Variants in MFN1 observed in about 807,000 individuals in gnomAD.
The protein encoded by MFN1 is mitofusin 1.
MFN1 carries 65 observed loss-of-function variants against 92.4 expected under a neutral mutation model. The observed-to-expected ratio is 0.70, with a 90% CI of 0.58 to 0.86. MFN1 has a LOEUF of 0.86. Among genes scored for constraint, MFN1 ranks in the 40% least tolerant of loss-of-function variants. The pLI, the probability that MFN1 is intolerant of heterozygous loss-of-function variation, is 0.00. For missense variants in MFN1, 781 were observed against 868.0 expected (o/e 0.90, Z 1.26); for synonymous variants, 297 against 300.9 (o/e 0.99, Z 0.13).
At chr3:179,380,859 G>A (rs1185522871) in intron 14 of MFN1, among the ~76,000 whole-genome samples, 4 of 152,188 alleles carry the variant, frequency 2.6e-5, no homozygotes, top group African/African-American at 9.7e-5. Context: ...ACTCAGTTGT[G>A]TATGCCTGCA....
At chr3:179,385,039 G>C (rs2108556445) in intron 14 of MFN1, among the ~76,000 whole-genome samples, 2 of 150,204 alleles carry the variant, frequency 1.3e-5, no homozygotes, top group Middle Eastern at 6.8e-3. Flanking sequence ...CCAAGTAGTT[G>C]GGACTACAGG....
chr3:179,385,754 C>G, intron 15 of MFN1, 33 bp downstream of exon 15: 2 of 1,599,854 alleles, frequency 1.3e-6, no homozygotes, highest in Non-Finnish European at 1.7e-6. Flanking sequence ...TAATTAAAAT[C>G]GAAATGTTTG....
At chr3:179,361,624 C>G (rs7615773) in intron 4 of MFN1, among the ~76,000 whole-genome samples, 1 of 151,552 alleles carries the variant, frequency 6.6e-6, no homozygotes, top group Non-Finnish European at 1.5e-5. Flanking sequence ...GCAACCTTCA[C>G]CTCCTGGGTT....
Position 179,390,048 on chromosome 3 carries a change from T to A in MFN1, c.2057T>A (p.Ile686Asn). Reference protein sequence around the residue: ...TFARLCQQVDITQKQLEEEIA... With the variant: ...TFARLCQQVDNTQKQLEEEIA... ...GCTCGCCTGTGCCAACAAGTTGATA[T>A]TACTCAAAAACAGCTGGAAGAAGAA... Residue 686 changes from isoleucine to asparagine, a missense_variant, in exon 17 of 18, where the codon ATT (isoleucine) becomes AAT (asparagine). Ile to Asn is a moderately radical substitution (Grantham distance 149). Coordinates refer to ENST00000471841, the MANE Select transcript of MFN1 (RefSeq NM_033540.3). The A allele has an allele frequency of 6.2e-7, 1 of 1,605,006 alleles. No homozygotes were observed. Among genetic ancestry groups the A allele is most frequent in the Non-Finnish European group, 8.5e-7 (1 of 1,177,624 alleles).
intron 9 of MFN1, among the ~76,000 whole-genome samples, chr3:179,369,253 C>G (rs758156815): frequency 2.0e-5 from 3 of 152,040 alleles, no homozygotes; most frequent in Non-Finnish European, 4.4e-5. Context: ...CCTCTGTTAT[C>G]CAGGCTGGAG....
At chr3:179,355,193 A>G (rs995369227) in intron 3 of MFN1, among the ~76,000 whole-genome samples, 19 of 152,178 alleles carry the variant, frequency 1.2e-4, no homozygotes, top group Non-Finnish European at 2.5e-4. Flanking sequence ...ATATATTACA[A>G]TGAGCAGTGA....
chr3:179,353,717 T>C (rs2108524620), intron 3 of MFN1, among the ~76,000 whole-genome samples: 2 of 152,318 alleles, frequency 1.3e-5, no homozygotes, highest in East Asian at 3.9e-4. Flanking sequence ...AATGACTAGC[T>C]CCATAACTGG....
intron 9 of MFN1, among the ~76,000 whole-genome samples, chr3:179,369,020 A>G (rs1224066004): frequency 8.5e-5 from 13 of 152,226 alleles, no homozygotes; most frequent in Admixed American, 8.5e-4. Flanking sequence ...AGACAGATGA[A>G]GACAAACTGG....
chr3:179,375,910 C>T (rs566574658), intron 10 of MFN1, among the ~76,000 whole-genome samples: 1 of 152,190 alleles, frequency 6.6e-6, no homozygotes, highest in South Asian at 2.1e-4. Context: ...ATGAAAATAC[C>T]AGCATTATCG....
intron 14 of MFN1, among the ~76,000 whole-genome samples, 174 bp from the exon 15 acceptor site, chr3:179,385,395 A>G (rs544398973): frequency 1.3e-5 from 2 of 152,064 alleles, no homozygotes; most frequent in South Asian, 2.1e-4. Context: ...ATTGGTCCAT[A>G]TTGTAGATAA....
chr3:179,392,157 A>G lies in MFN1; in HGVS notation c.*98A>G. 1.3e-6 allele frequency: 1 copy of G among 763,552 alleles called. No homozygotes were observed. The highest frequency in any genetic ancestry group is 2.2e-6 in the Non-Finnish European group (1 of 454,944). 47.3% of individuals were successfully genotyped at this position (763,552 alleles called of 1,614,324 possible). A position where few individuals can be genotyped will look rare whatever the true frequency, so the allele number is the denominator to read the frequency against. Reference sequence around the variant, plus strand: ...TGAAATTACTTTAAATATGAATTGTACTAACTGTACCTAAATAGCAAAGCC... The same window carrying G: ...TGAAATTACTTTAAATATGAATTGTGCTAACTGTACCTAAATAGCAAAGCC... On this transcript the variant is annotated 3_prime_UTR_variant, in exon 18 of 18. Coordinates refer to ENST00000471841, the MANE Select transcript of MFN1 (RefSeq NM_033540.3).
At chr3:179,348,471 A>G (rs1712007960) in intron 1 of MFN1, among the ~76,000 whole-genome samples, 1 of 152,220 alleles carries the variant, frequency 6.6e-6, no homozygotes, top group South Asian at 2.1e-4. Flanking sequence ...CTAGAGCTTC[A>G]GGTTGAGAAA....
intron 4 of MFN1, among the ~76,000 whole-genome samples, chr3:179,362,080 T>C (rs931054343): frequency 6.6e-6 from 1 of 152,176 alleles, no homozygotes; most frequent in Non-Finnish European, 1.5e-5. Context: ...AAAATACAAA[T>C]AGGCAAAAAG....
intron 16 of MFN1, among the ~76,000 whole-genome samples, chr3:179,389,449 A>G (rs559588864): frequency 6.6e-6 from 1 of 152,190 alleles, no homozygotes; most frequent in African/African-American, 2.4e-5. Flanking sequence ...CTCAGTTAAA[A>G]TAAACTAAGT....
At position 179,364,319 on chromosome 3, in the gene MFN1, G is replaced by C; in HGVS notation, c.559G>C (p.Glu187Gln). 6.2e-7 allele frequency: 1 copy of C among 1,613,652 alleles called. No homozygotes were observed. Among genetic ancestry groups the C allele is most frequent in the African/African-American group, 1.3e-5 (1 of 75,026 alleles). Residue 187 changes from glutamate to glutamine, a missense_variant, in exon 6 of 18, where the codon GAG becomes CAG. By Grantham distance (29) the Glu-to-Gln change is conservative (BLOSUM62 2). Transcript: ENST00000471841. ...TAGTCCAGGCACAGATGTCACTACA[G>C]AGCTGGATAGCTGGATTGATAAGTT... ...VDSPGTDVTT[E>Q]LDSWIDKFCL... is the part of the protein sequence containing the mutation.
rs1402990321 is a variant in MFN1, at chr3:179,390,202, T to TA, written c.2147+64_2147+65insA. The TA allele has an allele frequency of 1.1e-5, 14 of 1,299,538 alleles. No individual in the cohort carries two copies. The Admixed American group carries it at 4.4e-4, about 41-fold the overall frequency. 80.5% of individuals were successfully genotyped at this position (1,299,538 alleles called of 1,614,324 possible). A position where few individuals can be genotyped will look rare whatever the true frequency, so the allele number is the denominator to read the frequency against. On this transcript the variant is annotated intron_variant, in intron 17 of 17. Coordinates refer to ENST00000471841, the MANE Select transcript of MFN1 (RefSeq NM_033540.3). ...TGGTCTCATTACAAAATATGTAAAA[T>TA]TATTAATGAATTTGTATTCATTCCT...
At chr3:179,361,990 C>T (rs142234841) in intron 4 of MFN1, among the ~76,000 whole-genome samples, 4 of 152,268 alleles carry the variant, frequency 2.6e-5, no homozygotes, top group Non-Finnish European at 5.9e-5. Flanking sequence ...GTAATTTTAA[C>T]CTGTTTTAAT....
chr3:179,354,973 T>A (rs995234760), intron 3 of MFN1, among the ~76,000 whole-genome samples: 1 of 152,048 alleles, frequency 6.6e-6, no homozygotes, highest in African/African-American at 2.4e-5. Flanking sequence ...ATTTTTGTAT[T>A]ATTTGTAGAG....
intron 14 of MFN1, among the ~76,000 whole-genome samples, chr3:179,382,374 A>G (rs1285306489): frequency 2.0e-5 from 3 of 152,212 alleles, no homozygotes; most frequent in African/African-American, 7.2e-5. Flanking sequence ...TTCCAGCTTC[A>G]TCGATGTCCC....
Sources: gnomAD v4.1 joint callset for allele counts (sites outside exome capture counted in the v4.1 genomes callset) on GRCh38, gnomAD v4.1.1 for gene constraint, MANE v1.5 for transcripts, NCBI Gene and HGNC (gene_info 2026-07-23, HGNC 2026-07-21) for gene names.